The following CFAP20DC variants were observed in gnomAD, a reference collection of about 807,000 sequenced individuals.
CFAP20DC encodes the protein CFAP20 domain containing, also known as protein CFAP20DC.
In CFAP20DC, 84 loss-of-function variants were observed where a neutral mutation model predicts 101.7. The ratio of observed to expected loss-of-function variants is 0.83; its 90% CI spans 0.69 to 0.99. The LOEUF is 0.99. CFAP20DC is among the 50% of genes least tolerant of loss of function. The pLI is 0.00. For synonymous variants in CFAP20DC, 359 were observed against 351.2 expected, an observed-to-expected ratio of 1.02 and a Z score of -0.25; for missense variants, 1,007 against 970.3, an observed-to-expected ratio of 1.04 and a Z score of -0.50.
chr3:58,961,985 T>A (rs976788753), intron 4 of CFAP20DC, among the ~76,000 whole-genome samples: 2 of 152,206 alleles, frequency 1.3e-5, no homozygotes, highest in African/African-American at 2.4e-5. Context: ...TTGGTTTCAT[T>A]GATTTACTGT....
At chr3:58,850,327 C>G (rs1188897353) in intron 12 of CFAP20DC, among the ~76,000 whole-genome samples, 1 of 152,050 alleles carries the variant, frequency 6.6e-6, no homozygotes, top group Non-Finnish European at 1.5e-5. Flanking sequence ...CAGCTTATGC[C>G]TGTAATCCCA....
At chr3:58,905,313 C>A (rs1397501825) in intron 6 of CFAP20DC, among the ~76,000 whole-genome samples, 6 of 152,110 alleles carry the variant, frequency 3.9e-5, no homozygotes, top group Non-Finnish European at 8.8e-5. Flanking sequence ...CCTTGTTTTT[C>A]TCCTCTTTCT....
chr3:59,046,383 A>C, intron 2 of CFAP20DC, 61 bp from the exon 3 acceptor site: 1 of 1,078,434 alleles, frequency 9.3e-7, no homozygotes, highest in South Asian at 1.5e-5. Context: ...TCTACTATAA[A>C]ATTGAAACTT....
Position 58,760,919 on chromosome 3 carries a change from T to C in CFAP20DC, c.2238-7056A>G, listed in dbSNP as rs534568817. Among the ~76,000 whole-genome samples the C allele has an allele frequency of 2.1e-4, 32 of 152,258 alleles. No homozygotes were observed. In the South Asian group the frequency reaches 3.3e-3, roughly 16 times the overall value. ...CATGGTGGATAAGCTTTTTGATGTG[T>C]TGCTGGATTTGCTTTGCCAGTATTT... On this transcript the variant is annotated intron_variant, in intron 15 of 16. Coordinates refer to ENST00000482387, the MANE Select transcript of CFAP20DC (RefSeq NM_001394063.1).
At chr3:58,954,199 T>C (rs918572547) in intron 4 of CFAP20DC, among the ~76,000 whole-genome samples, 17 of 152,154 alleles carry the variant, frequency 1.1e-4, no homozygotes, top group Non-Finnish European at 2.5e-4. Context: ...TTTTCCACAA[T>C]GGCAGCTCCA....
intron 7 of CFAP20DC, among the ~76,000 whole-genome samples, chr3:58,876,855 A>G (rs1269063386): frequency 6.6e-6 from 1 of 152,208 alleles, no homozygotes; most frequent in Admixed American, 6.5e-5. Flanking sequence ...CAAAAGTCCA[A>G]ACTTGGATTA....
chr3:58,789,364 C>G (rs1435187786), intron 15 of CFAP20DC, among the ~76,000 whole-genome samples: 1 of 152,016 alleles, frequency 6.6e-6, no homozygotes, highest in Non-Finnish European at 1.5e-5. Flanking sequence ...TTTAATTTAG[C>G]TCTCTGGGCT....
At chr3:58,870,072 TCTGTCTGTCTTTCCC>T in intron 8 of CFAP20DC, 86 bp downstream of exon 8, 1 of 1,058,842 alleles carries the variant, frequency 9.4e-7, no homozygotes, top group Non-Finnish European at 1.4e-6. Flanking sequence ...TGTCTGTCTG[TCTGTCTGTCTTTCCC>T]TCCCTCCCTC....
intron 5 of CFAP20DC, among the ~76,000 whole-genome samples, chr3:58,936,668 G>A (rs902877552): frequency 3.3e-5 from 5 of 152,060 alleles, no homozygotes; most frequent in African/African-American, 4.8e-5. Context: ...GTAAACTATC[G>A]CAAGGACGGA....
At chr3:58,988,778 CT>C (rs1023607673) in intron 4 of CFAP20DC, among the ~76,000 whole-genome samples, 4 of 152,100 alleles carry the variant, frequency 2.6e-5, no homozygotes, top group African/African-American at 9.7e-5. Context: ...AACCTCTAGT[CT>C]TTTTTCTAAA....
chr3:58,933,931 C>A (rs906590703), intron 5 of CFAP20DC, among the ~76,000 whole-genome samples: 1 of 151,686 alleles, frequency 6.6e-6, no homozygotes, highest in Non-Finnish European at 1.5e-5. Flanking sequence ...CAGAGCAGAA[C>A]TGAAGGAAAT....
At chr3:58,810,500 A>G (rs1056578327) in intron 14 of CFAP20DC, among the ~76,000 whole-genome samples, 1 of 152,164 alleles carries the variant, frequency 6.6e-6, no homozygotes, top group Non-Finnish European at 1.5e-5. Context: ...ACAAAATTCA[A>G]CAACCCTCCA....
At position 58,869,408 on chromosome 3, in the gene CFAP20DC, G is replaced by A; in HGVS notation, c.935C>T (p.Ser312Leu). The A allele has an allele frequency of 1.2e-6, 2 of 1,613,730 alleles. No individual in the cohort carries two copies. The highest frequency in any genetic ancestry group is 1.7e-6 in the Non-Finnish European group (2 of 1,179,728). ...VEKCVNGTEMSALLIPESEEQ... is the reference protein window; with the variant it reads ...VEKCVNGTEMLALLIPESEEQ... ...CTCAGACTCAGGTATCAGCAAGGCT[G>A]ACATTTCTGTACCATTAACACACTT... The change falls in exon 9 of 17, where the codon TCA (serine) becomes TTA (leucine). Residue 312 changes from serine (S) to leucine (L), a missense_variant. Ser to Leu is a moderately radical substitution (Grantham distance 145). Transcript: ENST00000482387. The surrounding 1 kb of genome is among the most constrained non-coding windows in gnomAD (Gnocchi z 4.3).
At chr3:58,809,915 G>C (rs915841876) in intron 14 of CFAP20DC, among the ~76,000 whole-genome samples, 2 of 151,978 alleles carry the variant, frequency 1.3e-5, no homozygotes, top group East Asian at 1.9e-4. Context: ...TCAGGGAATA[G>C]TACAAAAACC....
intron 15 of CFAP20DC, among the ~76,000 whole-genome samples, chr3:58,766,168 A>G (rs1304599564): frequency 6.6e-6 from 1 of 152,204 alleles, no homozygotes; most frequent in Non-Finnish European, 1.5e-5. Context: ...CTCTGTCACA[A>G]CTGTTTAACT....
intron 4 of CFAP20DC, among the ~76,000 whole-genome samples, chr3:58,983,539 C>CT (rs1313837397): frequency 2.0e-5 from 3 of 152,050 alleles, no homozygotes; most frequent in Non-Finnish European, 2.9e-5. Context: ...GCAAAACACT[C>CT]TAATGGGAAA....
chr3:58,988,395 A>T (rs1213587372), intron 4 of CFAP20DC, among the ~76,000 whole-genome samples: 1 of 152,194 alleles, frequency 6.6e-6, no homozygotes, highest in Non-Finnish European at 1.5e-5. Flanking sequence ...CATGTAAAAG[A>T]TTATGTCTTC....
chr3:58,740,217 G>A (rs556384222), downstream of CFAP20DC, among the ~76,000 whole-genome samples: 77 of 152,236 alleles, frequency 5.1e-4, 1 homozygote, highest in African/African-American at 1.8e-3. This position sits in a 1 kb window ranked among gnomAD's most constrained non-coding sequence, Gnocchi z 4.6. Context: ...AGAGATGAGC[G>A]GCAGAGCCAA....
At chr3:58,809,409 C>G (rs1218685572) in intron 14 of CFAP20DC, among the ~76,000 whole-genome samples, 1 of 152,022 alleles carries the variant, frequency 6.6e-6, no homozygotes, top group Non-Finnish European at 1.5e-5. Flanking sequence ...CACTTAAAAC[C>G]GCTCAACTAC....
Sources: gnomAD v4.1 joint callset for allele counts (sites outside exome capture counted in the v4.1 genomes callset) on GRCh38, gnomAD v4.1.1 for gene constraint, Gnocchi (gnomAD v3.1) non-coding constraint, MANE v1.5 for transcripts, NCBI Gene and HGNC (gene_info 2026-07-23, HGNC 2026-07-21) for gene names.